AGPAT3: variants seen among roughly 807,000 people sequenced by gnomAD.
The protein encoded by AGPAT3 is 1-acyl-sn-glycerol-3-phosphate acyltransferase gamma.
In AGPAT3, 5 loss-of-function variants were observed where a neutral mutation model predicts 47.3. The ratio of observed to expected loss-of-function variants is 0.11; its 90% CI spans 0.06 to 0.22. The LOEUF (loss-of-function observed/expected upper bound fraction) is 0.22, where lower values mean the gene tolerates loss of function less well. AGPAT3 is among the 10% of genes least tolerant of loss of function. AGPAT3 has a pLI of 1.00. For missense variants in AGPAT3, 315 were observed against 493.0 expected (o/e 0.64, Z 3.42); for synonymous variants, 212 against 208.3 (o/e 1.02, Z -0.15).
intron 3 of AGPAT3, 134 bp from the exon 4 acceptor site, chr21:43,967,812 T>C: frequency 1.2e-6 from 1 of 839,274 alleles, no homozygotes; most frequent in Non-Finnish European, 1.8e-6. Context: ...GTACTCAGTG[T>C]AAGTCATCAA....
In AGPAT3 at chr21:43,920,274, G is replaced by T. The variant is rs531509075; in HGVS notation, c.-49+16255G>T. Among the ~76,000 whole-genome samples, 1 of 152,156 alleles carries T rather than the reference G, an allele frequency of 6.6e-6. No individual in the cohort carries two copies. The highest frequency in any genetic ancestry group is 1.9e-4 in the East Asian group (1 of 5,172). On this transcript the variant is annotated intron_variant, in intron 2 of 9. Coordinates refer to ENST00000291572, the MANE Select transcript of AGPAT3 (RefSeq NM_020132.5). This position sits in a 1 kb window ranked among gnomAD's most constrained non-coding sequence, Gnocchi z 6.1. ...GTAAGGGTGTGTGTAAAGCGTGAAT[G>T]TGTCAGTGTGAGAGTGTGTGTGTGC...
At chr21:43,950,718 G>A (rs2088151472) in intron 2 of AGPAT3, 1 of 152,294 alleles carries the variant, frequency 6.6e-6, no homozygotes, top group African/African-American at 2.4e-5. Context: ...AGGTAGTGCT[G>A]TCAGCGGCAT....
intron 1 of AGPAT3, among the ~76,000 whole-genome samples, chr21:43,882,386 C>T (rs910586321): frequency 2.0e-5 from 3 of 152,230 alleles, no homozygotes; most frequent in Admixed American, 6.5e-5. Context: ...CTCTTGCACG[C>T]GTTTGCACTG....
At chr21:43,951,878 C>A (rs2088211012) in intron 2 of AGPAT3, among the ~76,000 whole-genome samples, 1 of 152,140 alleles carries the variant, frequency 6.6e-6, no homozygotes, top group South Asian at 2.1e-4. Flanking sequence ...AGTTTCCATT[C>A]CATAAAAAGG....
intron 1 of AGPAT3, among the ~76,000 whole-genome samples, chr21:43,883,589 G>A (rs2085901385): frequency 6.6e-6 from 1 of 152,038 alleles, no homozygotes. Context: ...CCGTTTTTTT[G>A]TTTTGTTTTG....
intron 2 of AGPAT3, among the ~76,000 whole-genome samples, chr21:43,958,910 G>T (rs895468685): frequency 3.1e-5 from 4 of 129,872 alleles, no homozygotes; most frequent in Non-Finnish European, 6.5e-5. Context: ...TGGTGGGGTG[G>T]TGTGTGTGTG....
intron 2 of AGPAT3, among the ~76,000 whole-genome samples, chr21:43,917,154 C>T (rs1476781843): frequency 6.6e-6 from 1 of 152,102 alleles, no homozygotes; most frequent in East Asian, 1.9e-4. Context: ...GTCCTCAAAG[C>T]ACACGGTAAG....
chr21:43,972,196 A>AG (rs2089428197), intron 7 of AGPAT3, among the ~76,000 whole-genome samples: 1 of 151,790 alleles, frequency 6.6e-6, no homozygotes, highest in Non-Finnish European at 1.5e-5. Context: ...CCAGGCTGGC[A>AG]TGCAGTGGCT....
chr21:43,916,956 TC>T (rs1225773781), intron 2 of AGPAT3, among the ~76,000 whole-genome samples: 1 of 152,150 alleles, frequency 6.6e-6, no homozygotes, highest in Non-Finnish European at 1.5e-5. Flanking sequence ...GTATCTAAGA[TC>T]CTCAGGCTGC....
intron 1 of AGPAT3, among the ~76,000 whole-genome samples, chr21:43,886,939 C>T (rs188927631): frequency 6.6e-6 from 1 of 152,248 alleles, no homozygotes; most frequent in East Asian, 1.9e-4. Flanking sequence ...TACTGATTTC[C>T]TTTCTTTTGG....
rs2087549960 is a variant in AGPAT3, at chr21:43,939,008, G to A, written c.-48-20626G>A. On this transcript the variant is annotated intron_variant, in intron 2 of 9. Coordinates refer to ENST00000291572, the MANE Select transcript of AGPAT3 (RefSeq NM_020132.5). The surrounding 1 kb of genome is among the most constrained non-coding windows in gnomAD (Gnocchi z 4.4). ...TGAGCATGTCAGGACTGAGCTGAGC[G>A]GTTCCCACCTCTCAGTCCACAGTTT... is the stretch of plus-strand genomic sequence containing the variant. Among the ~76,000 whole-genome samples the A allele has an allele frequency of 6.6e-6, 1 of 152,186 alleles. No individual in the cohort carries two copies. The highest frequency in any genetic ancestry group is 1.5e-5 in the Non-Finnish European group (1 of 68,022).
Position 43,982,207 on chromosome 21 carries a change from G to A in AGPAT3, c.1043-97G>A. 1 of 883,264 alleles carries A rather than the reference G, an allele frequency of 1.1e-6. No individual in the cohort carries two copies. 54.7% of individuals were successfully genotyped at this position (883,264 alleles called of 1,614,324 possible). On this transcript the variant is annotated intron_variant, in intron 9 of 9. Coordinates refer to ENST00000291572, the MANE Select transcript of AGPAT3 (RefSeq NM_020132.5). This position sits in a 1 kb window ranked among gnomAD's most constrained non-coding sequence, Gnocchi z 6.2. Reference sequence around the variant, plus strand: ...CACTGGGTGCGGGGCAGAGGGACAGGGTCTGGGGCAGAGGAAGGAAGCCCC... The same window carrying A: ...CACTGGGTGCGGGGCAGAGGGACAGAGTCTGGGGCAGAGGAAGGAAGCCCC...
chr21:43,887,917 T>G (rs1039511249), intron 1 of AGPAT3, among the ~76,000 whole-genome samples: 1 of 152,222 alleles, frequency 6.6e-6, no homozygotes, highest in Non-Finnish European at 1.5e-5. Context: ...CCTCCCACAG[T>G]GCTGGGATGA....
chr21:43,969,326 A>G (rs1296417254), intron 5 of AGPAT3, 47 bp downstream of exon 5: 1 of 1,605,400 alleles, frequency 6.2e-7, no homozygotes, highest in Non-Finnish European at 8.5e-7. Context: ...GGAGGAGGCC[A>G]CGCCAACTCC....
At chr21:43,876,954 G>A (rs897861320) in intron 1 of AGPAT3, among the ~76,000 whole-genome samples, 2 of 152,108 alleles carry the variant, frequency 1.3e-5, no homozygotes, top group African/African-American at 4.8e-5. Flanking sequence ...CGCCTCCAGG[G>A]CTCAAGTGAT....
chr21:43,917,714 G>A (rs891430821), intron 2 of AGPAT3, among the ~76,000 whole-genome samples: 3 of 151,962 alleles, frequency 2.0e-5, no homozygotes, highest in East Asian at 1.9e-4. Context: ...CGCATAACTC[G>A]TTTCGCTGCC....
rs1205705674 is a variant in AGPAT3, at chr21:43,971,427, A to G, written c.704A>G (p.Asn235Ser). The G allele has an allele frequency of 1.9e-6, 3 of 1,614,106 alleles. No individual in the cohort carries two copies. Among genetic ancestry groups the G allele is most frequent in the African/African-American group, 2.7e-5 (2 of 74,936 alleles). The part of the protein sequence containing the change: ...VYDVTLNFRG[N>S]KNPSLLGILY... ...GATGTAACCCTGAACTTCAGAGGAA[A>G]CAAGAACCCGTCCCTGCTGGGGATC... The change falls in exon 7 of 10, where the codon AAC becomes AGC. Residue 235 changes from asparagine (N) to serine (S), a missense_variant. Coordinates refer to ENST00000291572, the MANE Select transcript of AGPAT3 (RefSeq NM_020132.5).
At chr21:43,978,861 A>C (rs1439970494) in intron 8 of AGPAT3, among the ~76,000 whole-genome samples, 1 of 152,182 alleles carries the variant, frequency 6.6e-6, no homozygotes, top group Non-Finnish European at 1.5e-5. Flanking sequence ...TCAGCCCAAG[A>C]ACTACTTTCT....
chr21:43,978,218 G>A (rs565879993), intron 8 of AGPAT3, 97 bp downstream of exon 8: 2 of 883,250 alleles, frequency 2.3e-6, no homozygotes, highest in African/African-American at 1.7e-5. Flanking sequence ...GAACTCCGTG[G>A]GAGACAGGAG....
Sources: allele counts gnomAD v4.1 joint callset (sites outside exome capture counted in the v4.1 genomes callset), GRCh38; gene constraint gnomAD v4.1.1; non-coding constraint Gnocchi (gnomAD v3.1); transcripts MANE v1.5; gene names NCBI Gene and HGNC (gene_info 2026-07-23, HGNC 2026-07-21).